PCDH15: variants seen among roughly 807,000 people sequenced by gnomAD.
PCDH15 encodes protocadherin related 15.
In PCDH15, 129 loss-of-function variants were observed where a neutral mutation model predicts 178.5. That is an observed-to-expected ratio of 0.72 (90% CI 0.63 to 0.84). The LOEUF (loss-of-function observed/expected upper bound fraction) is 0.84, where lower values mean the gene tolerates loss of function less well. PCDH15 is among the 40% of genes least tolerant of loss of function. The pLI is 0.00. For missense variants in PCDH15, 2,230 were observed against 2,099.9 expected, an observed-to-expected ratio of 1.06 and a Z score of -1.21; for synonymous variants, 800 against 732.0, an observed-to-expected ratio of 1.09 and a Z score of -1.50.
chr10:54,865,550 A>G lies in PCDH15; in HGVS notation c.-29+31900T>C, dbSNP rs939089270. On this transcript the variant is annotated intron_variant, in intron 3 of 5. Transcript: ENST00000458638. ...ATTCTTAATAAACTCCCTCACTATC[A>G]GCAGAACAGCATGGGGAAAACCACC... Among the ~76,000 whole-genome samples the G allele has an allele frequency of 1.4e-4, 21 of 152,144 alleles. 1 individual carries two copies. The highest frequency in any genetic ancestry group is 8.5e-4 in the Admixed American group (13 of 15,266).
chr10:53,916,982 G>A (rs1249301505), intron 25 of PCDH15, among the ~76,000 whole-genome samples: 1 of 151,874 alleles, frequency 6.6e-6, no homozygotes, highest in Non-Finnish European at 1.5e-5. Flanking sequence ...AAATTTCCTA[G>A]CACTAAATTT....
At chr10:55,261,128 A>C (rs1177669007) in intron 1 of PCDH15, among the ~76,000 whole-genome samples, 1 of 152,234 alleles carries the variant, frequency 6.6e-6, no homozygotes, top group Non-Finnish European at 1.5e-5. Flanking sequence ...GCAACAAATC[A>C]AAATTCTTTA....
At position 53,806,641 on chromosome 10, in the gene PCDH15, C is replaced by G; in HGVS notation, c.5161G>C (p.Asp1721His). 1.2e-6 allele frequency: 2 copies of G among 1,613,748 alleles called. No homozygotes were observed. The highest frequency in any genetic ancestry group is 1.7e-6 in the Non-Finnish European group (2 of 1,179,750). ...GGGCCCATCCAAAGCTCTTCATCAT[C>G]AGACTGTGTGTGGTCACTATGAAAT... ...LEFHSDHTQSDDEELWMGPWN... is the reference protein window; with the variant it reads ...LEFHSDHTQSHDEELWMGPWN... Residue 1721 changes from aspartate to histidine, a missense_variant, in exon 38 of 38, where the codon GAT (aspartate) becomes CAT (histidine). Coordinates refer to ENST00000644397, the MANE Select transcript of PCDH15 (RefSeq NM_001384140.1).
chr10:54,480,220 A>G (rs2078614313), intron 3 of PCDH15, among the ~76,000 whole-genome samples: 1 of 152,134 alleles, frequency 6.6e-6, no homozygotes, highest in Non-Finnish European at 1.5e-5. Flanking sequence ...ACATAATTAA[A>G]TACTTATTTG....
chr10:54,409,422 T>G (rs1953154548), intron 3 of PCDH15, among the ~76,000 whole-genome samples: 1 of 152,094 alleles, frequency 6.6e-6, no homozygotes, highest in Non-Finnish European at 1.5e-5. Flanking sequence ...TTTTTGTAAC[T>G]AATATCCCTA....
At chr10:55,322,125 C>T (rs1282700667), upstream of PCDH15, among the ~76,000 whole-genome samples, 1 of 152,156 alleles carries the variant, frequency 6.6e-6, no homozygotes. Flanking sequence ...GGGTATCCCC[C>T]ACACTGTTCT....
In PCDH15 at chr10:53,876,999, A is replaced by T. The variant is rs753825496; in HGVS notation, c.3502-10142T>A. 4.5e-4 allele frequency among the ~76,000 whole-genome samples: 69 copies of T among 152,248 alleles called. 2 individuals are homozygous for T. In the Middle Eastern group the frequency reaches 0.021, roughly 45 times the overall value. ...ATGGTGCAAAAAATTACAGGATAACATCTATTTAGAAAATTAAAGAAAGAA... is the reference window on the plus strand; with the variant it reads ...ATGGTGCAAAAAATTACAGGATAACTTCTATTTAGAAAATTAAAGAAAGAA... On this transcript the variant is annotated intron_variant, in intron 26 of 37. Coordinates refer to ENST00000644397, the MANE Select transcript of PCDH15 (RefSeq NM_001384140.1).
chr10:54,292,127 T>C (rs569620753), intron 8 of PCDH15, among the ~76,000 whole-genome samples: 19 of 152,246 alleles, frequency 1.2e-4, no homozygotes, highest in Non-Finnish European at 2.5e-4. Context: ...TCCACCACAA[T>C]CAAGCTGGCT....
At position 53,806,749 on chromosome 10, in the gene PCDH15, C is replaced by G; in HGVS notation, c.5053G>C (p.Val1685Leu). ...PCPVGTDNTAVKPLRNRLKST... is the reference protein window; with the variant it reads ...PCPVGTDNTALKPLRNRLKST... Reference sequence around the variant, plus strand: ...TTCAGCCTGTTCCTTAGTGGCTTCACCGCTGTATTGTCAGTCCCCACAGGG... The same window carrying G: ...TTCAGCCTGTTCCTTAGTGGCTTCAGCGCTGTATTGTCAGTCCCCACAGGG... Residue 1685 changes from valine to leucine, a missense_variant, in exon 38 of 38, where the codon GTG (valine) becomes CTG (leucine). By Grantham distance (32) the Val-to-Leu change is conservative. Transcript: ENST00000644397. 6.2e-7 allele frequency: 1 copy of G among 1,613,832 alleles called. No individual in the cohort carries two copies. Among genetic ancestry groups the G allele is most frequent in the Non-Finnish European group, 8.5e-7 (1 of 1,179,814 alleles).
At chr10:54,082,392 G>A (rs16937893) in intron 16 of PCDH15, among the ~76,000 whole-genome samples, 31,521 of 152,032 alleles carry the variant, frequency 0.21, 5,632 homozygotes, top group African/African-American at 0.49. Flanking sequence ...AAGTGTACTG[G>A]GGAATACAGA....
At chr10:55,457,137 G>A (rs1419225685) in intron 2 of PCDH15, among the ~76,000 whole-genome samples, 1 of 152,030 alleles carries the variant, frequency 6.6e-6, no homozygotes, top group Non-Finnish European at 1.5e-5. Flanking sequence ...AAGGTGGGAA[G>A]GGTATCTATA....
chr10:53,937,696 G>A (rs932877709), intron 25 of PCDH15, among the ~76,000 whole-genome samples: 3 of 152,074 alleles, frequency 2.0e-5, no homozygotes, highest in African/African-American at 7.2e-5. Flanking sequence ...TAAATGAAAA[G>A]GAGTGATTTC....
At chr10:54,427,095 G>C (rs1589354993) in intron 3 of PCDH15, among the ~76,000 whole-genome samples, 1 of 151,154 alleles carries the variant, frequency 6.6e-6, no homozygotes, top group Non-Finnish European at 1.5e-5. Context: ...TGTGAAGATA[G>C]GCCTTTTCTG....
intron 2 of PCDH15, among the ~76,000 whole-genome samples, chr10:55,092,096 G>T (rs1020923362): frequency 6.6e-6 from 1 of 151,794 alleles, no homozygotes; most frequent in Non-Finnish European, 1.5e-5. Flanking sequence ...AATTATCTCT[G>T]GAAAAGCTCA....
chr10:54,234,578 T>C (rs1000937913), intron 9 of PCDH15, among the ~76,000 whole-genome samples: 5 of 152,176 alleles, frequency 3.3e-5, no homozygotes, highest in African/African-American at 1.2e-4. Context: ...GAAGGACTAA[T>C]TTCAGGTAAA....
At chr10:54,132,526 G>A (rs922135796) in intron 15 of PCDH15, among the ~76,000 whole-genome samples, 6 of 152,084 alleles carry the variant, frequency 3.9e-5, no homozygotes, top group Admixed American at 1.3e-4. Flanking sequence ...CTGGACAAAA[G>A]GCATACAAGA....
intron 2 of PCDH15, among the ~76,000 whole-genome samples, chr10:54,974,259 A>T (rs569924666): frequency 7.9e-5 from 12 of 152,252 alleles, no homozygotes; most frequent in South Asian, 2.1e-4. Context: ...ACAACTGAGC[A>T]TACTATCCTC....
At chr10:53,829,690 G>A (rs1352374185) in intron 30 of PCDH15, among the ~76,000 whole-genome samples, 1 of 152,050 alleles carries the variant, frequency 6.6e-6, no homozygotes, top group African/African-American at 2.4e-5. Context: ...TGCTTTTGAG[G>A]TAGAAAATAT....
At position 54,859,084 on chromosome 10, in the gene PCDH15, ATCT is replaced by A. The variant is rs61641920; in HGVS notation, c.-29+38363_-29+38365del. Reference sequence around the variant, plus strand: ...CTCAGGGTAAAGTGCTCTTTGTATTATCTTCTTCTAGCTATGTCTCAACTGAAT... The same window carrying A: ...CTCAGGGTAAAGTGCTCTTTGTATTATCTTCTAGCTATGTCTCAACTGAAT... On this transcript the variant is annotated intron_variant, in intron 3 of 5. Transcript: ENST00000458638. 5.3e-5 allele frequency among the ~76,000 whole-genome samples: 8 copies of A among 152,090 alleles called. No homozygotes were observed. In the East Asian group the frequency reaches 1.2e-3, roughly 22 times the overall value.
Sources: gnomAD v4.1 joint callset for allele counts (sites outside exome capture counted in the v4.1 genomes callset) on GRCh38, gnomAD v4.1.1 for gene constraint, MANE v1.5 for transcripts, NCBI Gene and HGNC (gene_info 2026-07-23, HGNC 2026-07-21) for gene names.